Variants in SPATA31H1 observed in about 807,000 individuals in gnomAD.
SPATA31H1 encodes SPATA31 subfamily H member 1, also known as spermatogenesis-associated protein 31H1.
the SPATA31H1 span, chr2:27,577,673 G>A: frequency 6.2e-7 from 1 of 1,614,090 alleles, no homozygotes. The surrounding 1 kb of genome is among the most constrained non-coding windows in gnomAD (Gnocchi z 4.5). Context: ...TGACTTCTAA[G>A]TCAGGAGTGC....
At chr2:27,582,131 C>T in the SPATA31H1 span, 10 of 1,611,154 alleles carry the variant, frequency 6.2e-6, no homozygotes, top group Non-Finnish European at 8.5e-6. Context: ...AGAAGAGCCA[C>T]CTCAGTCCCT....
the SPATA31H1 span, among the ~76,000 whole-genome samples, chr2:27,559,477 A>G: frequency 6.6e-6 from 1 of 152,040 alleles, no homozygotes. Context: ...TGATCCCTTG[A>G]TAGGTCTCTA....
chr2:27,580,444 A>G, the SPATA31H1 span: 1 of 1,614,072 alleles, frequency 6.2e-7, no homozygotes, highest in Admixed American at 1.7e-5. Flanking sequence ...TATCCAATGA[A>G]GAGAATCACC....
the SPATA31H1 span, among the ~76,000 whole-genome samples, chr2:27,542,260 G>A: frequency 6.6e-6 from 1 of 151,788 alleles, no homozygotes; most frequent in Non-Finnish European, 1.5e-5. Flanking sequence ...AGCTGGGCGT[G>A]GTGGTGGGTG....
the SPATA31H1 span, chr2:27,566,750 A>C: frequency 1.4e-6 from 1 of 693,716 alleles, no homozygotes; most frequent in Non-Finnish European, 2.7e-6. Context: ...GGCTTGTGGA[A>C]CAGGATTTGC....
At chr2:27,578,458 T>A in the SPATA31H1 span, 1 of 1,614,076 alleles carries the variant, frequency 6.2e-7, no homozygotes, top group African/African-American at 1.3e-5. Context: ...ATTGAAGCAA[T>A]AAATTGTGTG....
the SPATA31H1 span, among the ~76,000 whole-genome samples, chr2:27,554,031 C>G: frequency 6.6e-6 from 1 of 152,038 alleles, no homozygotes; most frequent in Admixed American, 6.5e-5. Context: ...AAGTTCTTTG[C>G]CACTTTATAA....
At chr2:27,571,691 C>T in the SPATA31H1 span, 12 of 398,346 alleles carry the variant, frequency 3.0e-5, no homozygotes, top group Non-Finnish European at 4.4e-5. Flanking sequence ...TGACCTCAGT[C>T]CCACAAATGC....
the SPATA31H1 span, chr2:27,580,130 AC>A: frequency 3.1e-6 from 5 of 1,614,054 alleles, no homozygotes; most frequent in Non-Finnish European, 4.2e-6. Context: ...AAAGAGATAG[AC>A]CCGTCATACG....
the SPATA31H1 span, chr2:27,572,720 G>C: frequency 2.5e-6 from 1 of 397,840 alleles, no homozygotes; most frequent in Non-Finnish European, 4.4e-6. Flanking sequence ...AAACTATAGG[G>C]TTAAATCTTG....
chr2:27,578,869 A>G, the SPATA31H1 span: 8 of 1,614,180 alleles, frequency 5.0e-6, no homozygotes, highest in Middle Eastern at 1.3e-3. Flanking sequence ...AGAGCTTTGG[A>G]TATAAAAAAC....
the SPATA31H1 span, chr2:27,580,976 TGCCTCAGTGGGGCA>T: frequency 8.7e-6 from 14 of 1,614,182 alleles, no homozygotes; most frequent in Non-Finnish European, 1.1e-5. Context: ...CTTTCCAAAC[TGCCTCAGTGGGGCA>T]GCCTCTGAGA....
the SPATA31H1 span, chr2:27,581,542 C>T: frequency 6.8e-7 from 1 of 1,464,872 alleles, no homozygotes; most frequent in Non-Finnish European, 9.3e-7. Context: ...CATCGCAGTC[C>T]CTCAGAGAGA....
At chr2:27,578,089 T>C in the SPATA31H1 span, 4 of 1,613,960 alleles carry the variant, frequency 2.5e-6, no homozygotes, top group East Asian at 8.9e-5. Context: ...CTCATAGATG[T>C]CCCAAAAGTT....
At chr2:27,561,552 T>C in the SPATA31H1 span, among the ~76,000 whole-genome samples, 2 of 152,232 alleles carry the variant, frequency 1.3e-5, no homozygotes, top group African/African-American at 2.4e-5. Context: ...AGTTCTCTGC[T>C]CTAGGCCACA....
chr2:27,578,162 A>C, the SPATA31H1 span: 3 of 1,614,140 alleles, frequency 1.9e-6, no homozygotes, highest in Non-Finnish European at 2.5e-6. Context: ...TGACGATACC[A>C]AGGCCAACCC....
At chr2:27,568,887 C>T in the SPATA31H1 span, 1 of 398,958 alleles carries the variant, frequency 2.5e-6, no homozygotes, top group Non-Finnish European at 4.4e-6. Context: ...CAAACAAAAT[C>T]ATGAAGCCAC....
At chr2:27,545,550 C>T in the SPATA31H1 span, among the ~76,000 whole-genome samples, 755 of 151,070 alleles carry the variant, frequency 5.0e-3, 17 homozygotes, top group African/African-American at 0.017. Context: ...TTCTTGCCAA[C>T]ACTTGGCATT....
chr2:27,579,169 C>T, the SPATA31H1 span: 3 of 1,614,068 alleles, frequency 1.9e-6, no homozygotes, highest in Non-Finnish European at 2.5e-6. Context: ...CTCATCAAGT[C>T]TTTCCCGGGC....
Sources: gnomAD v4.1 joint callset for allele counts (sites outside exome capture counted in the v4.1 genomes callset) on GRCh38, gnomAD v4.1.1 for gene constraint, Gnocchi (gnomAD v3.1) non-coding constraint, MANE v1.5 for transcripts, NCBI Gene and HGNC (gene_info 2026-07-23, HGNC 2026-07-21) for gene names.